HUWE1: variants seen among roughly 807,000 people sequenced by gnomAD.
HUWE1 encodes HECT, UBA and WWE domain containing E3 ubiquitin protein ligase 1.
HUWE1 carries 18 observed loss-of-function variants against 299.4 expected under a neutral mutation model. The ratio of observed to expected loss-of-function variants is 0.06; its 90% CI spans 0.04 to 0.09. HUWE1 has a LOEUF of 0.09. HUWE1 is among the 10% of genes least tolerant of loss of function. HUWE1 has a pLI of 1.00. For synonymous variants in HUWE1, 1,317 were observed against 1,286.1 expected, an observed-to-expected ratio of 1.02 and a Z score of -0.51; for missense variants, 1,832 against 3,462.3, an observed-to-expected ratio of 0.53 and a Z score of 11.82.
At chrX:53,621,928 G>A (rs985241995) in intron 19 of HUWE1, among the ~76,000 whole-genome samples, 6 of 111,977 alleles carry the variant, frequency 5.4e-5, no homozygotes, top group African/African-American at 1.3e-4. Context: ...AAACAGACCC[G>A]AACAGATAAC....
chrX:53,565,662 C>G (rs1201678864), intron 49 of HUWE1, among the ~76,000 whole-genome samples: 1 of 108,182 alleles, frequency 9.2e-6, no homozygotes, highest in Admixed American at 9.9e-5. Context: ...GACAGGGTCT[C>G]GCTGTGTCAC....
rs370503736 is a variant in HUWE1, at chrX:53,568,799, G to A, written c.6600C>T (p.Ala2200=). Residue 2200 remains alanine (A), a synonymous_variant, in exon 49 of 84, where the codon GCC becomes GCT. Transcript: ENST00000262854. ...TGCCATTGTGCTGGGTCTTCGCTGT[G>A]GCACTGCTGTAGAAGCTGGAGGTGG... The part of the protein sequence containing the change: ...CPSTSSFYSS[A]TAKTQHNGMN... 41 of 1,207,616 alleles carry A rather than the reference G, an allele frequency of 3.4e-5. No homozygotes were observed. The highest frequency in any genetic ancestry group is 5.3e-5 in the African/African-American group (3 of 57,048).
At position 53,580,976 on chromosome X, in the gene HUWE1, A is replaced by G. The variant is rs1207578067; in HGVS notation, c.5571T>C (p.Val1857=). The G allele has an allele frequency of 8.3e-7, 1 of 1,208,395 alleles. No homozygotes were observed. The highest frequency in any genetic ancestry group is 1.8e-5 in the African/African-American group (1 of 57,111). ...TSGAGSTTSG[V]VSGSLGSREI... ...CCCGAGAGCCGAGGCTGCCAGACAC[A>G]ACACCAGAGGTAGTGCTACCAGCTC... The change falls in exon 43 of 84, where the codon GTT becomes GTC. Residue 1857 remains valine (V), a synonymous_variant. Transcript: ENST00000262854.
intron 70 of HUWE1, among the ~76,000 whole-genome samples, chrX:53,545,936 T>C (rs1174987564): frequency 9.0e-6 from 1 of 111,724 alleles, no homozygotes. Flanking sequence ...TTGGCTTTCT[T>C]CTCAGTAAAA....
chrX:53,563,988 C>A (rs782709415), intron 51 of HUWE1, among the ~76,000 whole-genome samples, 167 bp from the exon 52 acceptor site: 1 of 112,296 alleles, frequency 8.9e-6, no homozygotes, highest in South Asian at 3.7e-4. Context: ...GAAACTACCA[C>A]GTGCTACCAA....
intron 12 of HUWE1, among the ~76,000 whole-genome samples, chrX:53,629,961 C>A (rs2066761333): frequency 8.9e-6 from 1 of 112,449 alleles, no homozygotes; most frequent in Non-Finnish European, 1.9e-5. Flanking sequence ...TTAGCCTCTT[C>A]CTATGCTTCT....
At chrX:53,650,706 A>G (rs1005328258) in intron 4 of HUWE1, among the ~76,000 whole-genome samples, 3 of 112,174 alleles carry the variant, frequency 2.7e-5, no homozygotes, top group Non-Finnish European at 5.6e-5. Flanking sequence ...ACACAAAGTG[A>G]TCAATAAAAG....
chrX:53,559,812 C>T (rs1043777710), intron 56 of HUWE1, among the ~76,000 whole-genome samples: 5 of 112,119 alleles, frequency 4.5e-5, no homozygotes, highest in Non-Finnish European at 9.4e-5. Context: ...CCCTCTCTGT[C>T]GTCTGTACAC....
At chrX:53,639,402 A>G (rs932344599) in intron 7 of HUWE1, among the ~76,000 whole-genome samples, 8 of 111,663 alleles carry the variant, frequency 7.2e-5, no homozygotes, top group African/African-American at 2.6e-4. Flanking sequence ...CATAACAAAT[A>G]TAAGCATGCA....
rs202092167 is a variant in HUWE1, at chrX:53,630,947, T to C, written c.850A>G (p.Ile284Val). Residue 284 changes from isoleucine (I) to valine (V), a missense_variant, in exon 12 of 84, where the codon ATA (isoleucine) becomes GTA (valine). Physicochemically the swap from Ile to Val is conservative, Grantham distance 29 (BLOSUM62 3). This residue lies in a region of HUWE1 where 658 missense variants were observed against 1,282.6 expected (regional missense o/e 0.51). Transcript: ENST00000262854. ...LQAVQARLHAISILVYSNALQ... is the reference protein window; with the variant it reads ...LQAVQARLHAVSILVYSNALQ... Reference sequence around the variant, plus strand: ...ATTCTTCTCTTACCTAATATAGATATTGCATGCAGTCTGGCCTGAACTGCC... The same window carrying C: ...ATTCTTCTCTTACCTAATATAGATACTGCATGCAGTCTGGCCTGAACTGCC... The C allele has an allele frequency of 1.2e-4, 143 of 1,144,241 alleles. 1 individual carries two copies. Among genetic ancestry groups the C allele is most frequent in the Non-Finnish European group, 1.0e-4 (84 of 835,140 alleles). The allele number at this position is 1,144,241 out of a possible 1,213,427, so 94.3% of individuals were successfully genotyped here. A position where few individuals can be genotyped will look rare whatever the true frequency, so the allele number is the denominator to read the frequency against.
chrX:53,634,183 C>G (rs782098604), intron 8 of HUWE1, 53 bp downstream of exon 8: 98 of 954,683 alleles, frequency 1.0e-4, no homozygotes, highest in Non-Finnish European at 1.2e-4. Context: ...GTAAGGTTCA[C>G]AGAGAGGCCA....
At chrX:53,535,922 GTT>G (rs34675759) in intron 80 of HUWE1, 584 of 165,175 alleles carry the variant, frequency 3.5e-3, no homozygotes, top group East Asian at 6.8e-3. Flanking sequence ...ATGTACTGGA[GTT>G]TTTTTTTTTT....
chrX:53,550,383 T>C lies in HUWE1; in HGVS notation c.9488+283A>G, dbSNP rs782336988. On this transcript the variant is annotated intron_variant, in intron 66 of 83. Transcript: ENST00000262854. ...GGCAGGTGGTTAGTTGTTTTACTAC[T>C]TGCATGGGAGACAAGTGGTGTTCCT... 2.4e-4 allele frequency among the ~76,000 whole-genome samples: 27 copies of C among 112,205 alleles called. No homozygotes were observed. The South Asian group carries it at 9.7e-3, about 40-fold the overall frequency.
chrX:53,562,099 GT>G lies in HUWE1; in HGVS notation c.7338+11del, dbSNP rs782683391. ...GGTCATCTGAACCAACCCAAACGCA[GT>G]CCCCCCTCACCTGATCATCTTCCTC... On this transcript the variant is annotated intron_variant, in intron 54 of 83. Coordinates refer to ENST00000262854, the MANE Select transcript of HUWE1 (RefSeq NM_031407.7). The G allele has an allele frequency of 2.3e-5, 28 of 1,207,925 alleles. No individual in the cohort carries two copies. The African/African-American group carries it at 4.4e-4, about 19-fold the overall frequency.
chrX:53,613,221 A>T (rs1419801166), intron 23 of HUWE1, among the ~76,000 whole-genome samples: 1 of 111,966 alleles, frequency 8.9e-6, no homozygotes, highest in Non-Finnish European at 1.9e-5. Flanking sequence ...AGGGTAAGGT[A>T]TCTGTTCAAC....
chrX:53,566,465 A>G, intron 49 of HUWE1, among the ~76,000 whole-genome samples: 1 of 109,381 alleles, frequency 9.1e-6, no homozygotes, highest in Middle Eastern at 4.6e-3. Context: ...GGGAAAAAAA[A>G]TTAATGGGAT....
chrX:53,630,416 A>T (rs140869053), intron 12 of HUWE1, among the ~76,000 whole-genome samples: 277 of 111,705 alleles, frequency 2.5e-3, no homozygotes, highest in African/African-American at 8.8e-3. Flanking sequence ...TCAATATTAA[A>T]CGAATAAGCT....
intron 19 of HUWE1, 63 bp from the exon 20 acceptor site, chrX:53,617,509 A>T (rs999675846): frequency 1.3e-5 from 9 of 682,664 alleles, no homozygotes; most frequent in Non-Finnish European, 2.1e-5. Context: ...AAAACAAAAC[A>T]CCAAAAGCTT....
chrX:53,542,820 T>C, intron 73 of HUWE1: 4 of 344,042 alleles, frequency 1.2e-5, no homozygotes, highest in Non-Finnish European at 1.5e-5. Context: ...TAGCCTCCTG[T>C]ATATAGACTT....
Sources: gnomAD v4.1 joint callset for allele counts (sites outside exome capture counted in the v4.1 genomes callset) on GRCh38, gnomAD v4.1.1 for gene constraint, gnomAD v4.1.1 regional missense constraint, MANE v1.5 for transcripts, NCBI Gene and HGNC (gene_info 2026-07-23, HGNC 2026-07-21) for gene names.